The following C10orf90 variants were observed in gnomAD, a reference collection of about 807,000 sequenced individuals.
The protein encoded by C10orf90 is (E2-independent) E3 ubiquitin-conjugating enzyme FATS.
Under a neutral mutation model 62.5 loss-of-function variants are expected in C10orf90, and 56 were observed. That is an observed-to-expected ratio of 0.90 (90% CI 0.72 to 1.12). The LOEUF is 1.12. Ranked by LOEUF, C10orf90 falls within the 50% of genes most tolerant of loss-of-function variation. The pLI, the probability that C10orf90 is intolerant of heterozygous loss-of-function variation, is 0.00. For synonymous variants in C10orf90, 386 were observed against 340.4 expected (o/e 1.13, Z -1.47); for missense variants, 970 against 880.4 (o/e 1.10, Z -1.29).
intron 1 of C10orf90, among the ~76,000 whole-genome samples, chr10:126,648,568 G>A (rs574828891): frequency 1.3e-5 from 2 of 152,294 alleles, no homozygotes; most frequent in South Asian, 2.1e-4. Context: ...GCGTAGACGC[G>A]CCATGGGAAA....
chr10:126,512,824 A>C (rs1225468092), intron 3 of C10orf90, among the ~76,000 whole-genome samples: 2 of 152,218 alleles, frequency 1.3e-5, no homozygotes, highest in African/African-American at 4.8e-5. Flanking sequence ...AGGAATTTAA[A>C]TATTGATGAG....
At chr10:126,577,223 T>A (rs1844645439) in intron 2 of C10orf90, among the ~76,000 whole-genome samples, 1 of 151,936 alleles carries the variant, frequency 6.6e-6, no homozygotes, top group South Asian at 2.1e-4. Context: ...TTCCTATGCA[T>A]TGTATATATC....
chr10:126,579,745 G>C (rs989727740), intron 2 of C10orf90, among the ~76,000 whole-genome samples: 1 of 149,960 alleles, frequency 6.7e-6, no homozygotes, highest in Non-Finnish European at 1.5e-5. Flanking sequence ...TCTCACATAT[G>C]TTTGTAAAGT....
intron 2 of C10orf90, among the ~76,000 whole-genome samples, chr10:126,605,868 A>AATACATACATGCATACATAC (rs1554924661): frequency 1.2e-4 from 16 of 137,610 alleles, no homozygotes; most frequent in Non-Finnish European, 2.0e-4. Flanking sequence ...AAAACCTAAA[A>AATACATACATGCATACATAC]ATACATACAT....
chr10:126,503,985 A>G lies in C10orf90; in HGVS notation c.1506T>C (p.Ile502=), dbSNP rs766253129. ...CCCTGTAACTCCAGCCAGGAATGTG[A>G]ATGGACAGTTGGTTGGCATGATCGC... ...HASDHANQLS[I]HIPGWSYRAV... Residue 502 remains isoleucine (I), a synonymous_variant, in exon 4 of 10, where the codon ATT becomes ATC. Transcript: ENST00000488181. 26 of 1,612,600 alleles carry G rather than the reference A, an allele frequency of 1.6e-5. No homozygotes were observed. The highest frequency in any genetic ancestry group is 1.2e-4 in the South Asian group (11 of 90,932).
At chr10:126,649,074 C>T (rs568545845) in intron 1 of C10orf90, among the ~76,000 whole-genome samples, 8 of 58,814 alleles carry the variant, frequency 1.4e-4, no homozygotes, top group Admixed American at 1.7e-4. Context: ...CTCTCTCTCC[C>T]CCCCCCCCAG....
At chr10:126,569,874 T>C (rs1844469587) in intron 2 of C10orf90, among the ~76,000 whole-genome samples, 1 of 152,086 alleles carries the variant, frequency 6.6e-6, no homozygotes, top group Admixed American at 6.6e-5. Context: ...GTTTCTGAAC[T>C]GTGGAGAAAG....
At chr10:126,557,735 C>T (rs1228874191) in intron 2 of C10orf90, among the ~76,000 whole-genome samples, 1 of 152,200 alleles carries the variant, frequency 6.6e-6, no homozygotes, top group East Asian at 1.9e-4. Flanking sequence ...CAGGTTAACA[C>T]TTGTAGCTCT....
chr10:126,540,594 C>A (rs1436809), intron 2 of C10orf90, among the ~76,000 whole-genome samples: 1 of 150,984 alleles, frequency 6.6e-6, no homozygotes, highest in South Asian at 2.1e-4. Context: ...GGGAGCCAGA[C>A]GGTGCAGTGA....
At chr10:126,657,842 C>G (rs1306403256) in intron 1 of C10orf90, among the ~76,000 whole-genome samples, 4 of 152,074 alleles carry the variant, frequency 2.6e-5, no homozygotes. Flanking sequence ...TCTTGAACTC[C>G]CAGCCTCAGG....
intron 2 of C10orf90, among the ~76,000 whole-genome samples, chr10:126,537,464 G>A: frequency 6.6e-6 from 1 of 152,182 alleles, no homozygotes; most frequent in Non-Finnish European, 1.5e-5. Flanking sequence ...TTAATAGACA[G>A]CTGCTGCCTG....
At chr10:126,427,927 G>A (rs917052224) in intron 8 of C10orf90, among the ~76,000 whole-genome samples, 6 of 152,048 alleles carry the variant, frequency 3.9e-5, no homozygotes, top group Admixed American at 1.3e-4. Context: ...CTGGGGAACC[G>A]TAACTAATAT....
intron 4 of C10orf90, among the ~76,000 whole-genome samples, chr10:126,476,059 T>A (rs1860843106): frequency 6.6e-6 from 1 of 152,118 alleles, no homozygotes. Flanking sequence ...TCCAGCCCCG[T>A]CAGACCCTCA....
chr10:126,653,366 AG>A (rs1288969396), intron 1 of C10orf90, among the ~76,000 whole-genome samples: 1 of 152,204 alleles, frequency 6.6e-6, no homozygotes, highest in African/African-American at 2.4e-5. Flanking sequence ...ACAAATTTAT[AG>A]AATATTCTAA....
intron 4 of C10orf90, chr10:126,470,006 T>G (rs1394078446): frequency 2.2e-6 from 1 of 456,740 alleles, no homozygotes; most frequent in East Asian, 6.9e-5. Context: ...TGTTGTGTCC[T>G]GCAGTGGAGG....
Position 126,583,993 on chromosome 10 carries a change from G to C in C10orf90, c.313+62572C>G, listed in dbSNP as rs77264834. On this transcript the variant is annotated intron_variant, in intron 2 of 9. Coordinates refer to ENST00000488181, the MANE Select transcript of C10orf90 (RefSeq NM_001350921.2). ...AAATTAGCAGGGCATGGTGACTCAT[G>C]CCTGTAGTCCCAGCTACCGGGGAGG... is the stretch of plus-strand genomic sequence containing the variant. Among the ~76,000 whole-genome samples the C allele has an allele frequency of 3.3e-3, 499 of 152,152 alleles. 3 individuals carry two copies. Among genetic ancestry groups the C allele is most frequent in the African/African-American group, 0.012 (490 of 41,496 alleles).
intron 2 of C10orf90, among the ~76,000 whole-genome samples, chr10:126,570,186 C>T (rs968517839): frequency 1.3e-5 from 2 of 152,224 alleles, no homozygotes; most frequent in Non-Finnish European, 1.5e-5. Context: ...GCCTTTGATT[C>T]CCCTGCACAG....
chr10:126,636,313 C>A (rs180845042), intron 2 of C10orf90, among the ~76,000 whole-genome samples: 1 of 152,040 alleles, frequency 6.6e-6, no homozygotes, highest in Non-Finnish European at 1.5e-5. Context: ...CCGCATTTCA[C>A]CAAGGGGAGT....
At chr10:126,580,371 A>C (rs1044378873) in intron 2 of C10orf90, among the ~76,000 whole-genome samples, 1 of 152,162 alleles carries the variant, frequency 6.6e-6, no homozygotes, top group Non-Finnish European at 1.5e-5. Context: ...AAAGACATTA[A>C]GAGGCCAGGC....
Sources: gnomAD v4.1 joint callset for allele counts (sites outside exome capture counted in the v4.1 genomes callset) on GRCh38, gnomAD v4.1.1 for gene constraint, MANE v1.5 for transcripts, NCBI Gene and HGNC (gene_info 2026-07-23, HGNC 2026-07-21) for gene names.